Variants in LIMS1 observed in about 807,000 individuals in gnomAD.
The protein encoded by LIMS1 is LIM zinc finger domain containing 1, also known as LIM and senescent cell antigen-like-containing domain protein 1.
In LIMS1, 18 loss-of-function variants were observed where a neutral mutation model predicts 44.1. The observed-to-expected ratio is 0.41, with a 90% CI of 0.28 to 0.61. LIMS1 has a LOEUF of 0.61. Among genes scored for constraint, LIMS1 ranks in the 20% least tolerant of loss-of-function variants. The pLI is 0.32. For missense variants in LIMS1, 201 were observed against 422.0 expected, an observed-to-expected ratio of 0.48 and a Z score of 4.59; for synonymous variants, 93 against 149.1, an observed-to-expected ratio of 0.62 and a Z score of 2.74.
chr2:108,595,555 G>A (rs1320912466), intron 1 of LIMS1, among the ~76,000 whole-genome samples: 1 of 151,990 alleles, frequency 6.6e-6, no homozygotes, highest in Non-Finnish European at 1.5e-5. Context: ...TTGTGATTCT[G>A]CCTACTTTGT....
chr2:108,619,452 G>A (rs1191380441), intron 1 of LIMS1, among the ~76,000 whole-genome samples: 1 of 151,956 alleles, frequency 6.6e-6, no homozygotes, highest in Non-Finnish European at 1.5e-5. Flanking sequence ...GGGAGGCCGA[G>A]GCAGTTCGAT....
At chr2:108,671,723 A>T (rs912273538) in intron 3 of LIMS1, among the ~76,000 whole-genome samples, 1 of 152,240 alleles carries the variant, frequency 6.6e-6, no homozygotes, top group Admixed American at 6.5e-5. Context: ...GACCAGAAAT[A>T]ACCAAAAGGC....
intron 1 of LIMS1, among the ~76,000 whole-genome samples, chr2:108,561,927 A>G (rs1454921844): frequency 1.3e-5 from 2 of 151,874 alleles, no homozygotes; most frequent in Non-Finnish European, 2.9e-5. Context: ...ACTTTGTAGT[A>G]GAGACAGGGT....
At chr2:108,667,659 G>A (rs1691872581) in intron 2 of LIMS1, among the ~76,000 whole-genome samples, 1 of 150,430 alleles carries the variant, frequency 6.6e-6, no homozygotes, top group East Asian at 1.9e-4. Context: ...TCTAACTAAT[G>A]GAGTTATTTA....
At chr2:108,594,175 C>T (rs959159483) in intron 1 of LIMS1, among the ~76,000 whole-genome samples, 2 of 152,124 alleles carry the variant, frequency 1.3e-5, no homozygotes, top group Admixed American at 6.5e-5. Context: ...GTAAAAAATT[C>T]AGCTGTGGGG....
chr2:108,593,744 C>T (rs1007250191), intron 1 of LIMS1, among the ~76,000 whole-genome samples: 1 of 152,194 alleles, frequency 6.6e-6, no homozygotes, highest in Non-Finnish European at 1.5e-5. Context: ...GAATTTTCCA[C>T]AGATAAACCA....
intron 1 of LIMS1, among the ~76,000 whole-genome samples, chr2:108,645,820 CAAAA>C (rs57714697): frequency 1.6e-4 from 17 of 103,738 alleles, no homozygotes; most frequent in South Asian, 2.8e-4. Context: ...AAATGGAAAG[CAAAA>C]AAAAAAAAAA....
chr2:108,551,626 GTGTATATATA>G (rs1363281895), intron 1 of LIMS1, among the ~76,000 whole-genome samples: 2 of 135,806 alleles, frequency 1.5e-5, no homozygotes, highest in African/African-American at 2.9e-5. Context: ...ATGTATATAT[GTGTATATATA>G]TGTATATATG....
chr2:108,670,964 A>C, intron 3 of LIMS1, 117 bp downstream of exon 3: 1 of 1,078,066 alleles, frequency 9.3e-7, no homozygotes. Flanking sequence ...TGAGGTCAGG[A>C]ATTCGAGACC....
intron 1 of LIMS1, among the ~76,000 whole-genome samples, chr2:108,609,491 C>A (rs550047820): frequency 1.3e-5 from 2 of 152,340 alleles, no homozygotes; most frequent in East Asian, 3.9e-4. Context: ...CCTACTGTTT[C>A]CAGAGTGAGG....
intron 1 of LIMS1, among the ~76,000 whole-genome samples, chr2:108,649,012 A>G (rs1484435949): frequency 1.3e-5 from 2 of 152,246 alleles, no homozygotes; most frequent in South Asian, 2.1e-4. Flanking sequence ...GAGCTTCTGC[A>G]TAGCAGAAGA....
chr2:108,577,650 T>C (rs1197202032), intron 1 of LIMS1, among the ~76,000 whole-genome samples: 1 of 152,246 alleles, frequency 6.6e-6, no homozygotes, highest in African/African-American at 2.4e-5. Flanking sequence ...GTTTTTACAT[T>C]CTTAAAATGT....
At chr2:108,650,905 G>C (rs1304002486) in intron 1 of LIMS1, among the ~76,000 whole-genome samples, 1 of 152,138 alleles carries the variant, frequency 6.6e-6, no homozygotes, top group Non-Finnish European at 1.5e-5. Context: ...ATCTTCTACT[G>C]ATGGTGGGCT....
exon 10 of LIMS1, chr2:108,686,846 T>C (rs1039616307): frequency 6.6e-5 from 10 of 152,112 alleles, no homozygotes; most frequent in Non-Finnish European, 1.5e-4. Context: ...TTAATAGGGC[T>C]TTCCCTGGCT....
At chr2:108,646,294 T>A (rs1690058909) in intron 1 of LIMS1, among the ~76,000 whole-genome samples, 1 of 152,072 alleles carries the variant, frequency 6.6e-6, no homozygotes, top group Non-Finnish European at 1.5e-5. Flanking sequence ...CAGACCACAG[T>A]GCAATCAAAG....
At chr2:108,626,729 T>C (rs1165183653) in intron 1 of LIMS1, among the ~76,000 whole-genome samples, 4 of 152,248 alleles carry the variant, frequency 2.6e-5, no homozygotes, top group African/African-American at 9.6e-5. Context: ...GTCTTAATTA[T>C]TAACTTTTTA....
chr2:108,615,013 A>AT (rs1424376014), intron 1 of LIMS1, among the ~76,000 whole-genome samples: 1 of 152,136 alleles, frequency 6.6e-6, no homozygotes, highest in Non-Finnish European at 1.5e-5. Flanking sequence ...AACCTATTGG[A>AT]TTTTTTTGTA....
At chr2:108,636,085 CAA>C (rs1689227479) in intron 1 of LIMS1, among the ~76,000 whole-genome samples, 1 of 152,146 alleles carries the variant, frequency 6.6e-6, no homozygotes, top group South Asian at 2.1e-4. Flanking sequence ...GGAGAGAAAG[CAA>C]AAGAGTATAG....
chr2:108,571,737 G>T (rs1309757076), intron 1 of LIMS1, among the ~76,000 whole-genome samples: 1 of 152,176 alleles, frequency 6.6e-6, no homozygotes, highest in Non-Finnish European at 1.5e-5. Context: ...TTTCGTTGAA[G>T]ACTATCACTT....
Sources: gnomAD v4.1 joint callset for allele counts (sites outside exome capture counted in the v4.1 genomes callset) on GRCh38, gnomAD v4.1.1 for gene constraint, MANE v1.5 for transcripts, NCBI Gene and HGNC (gene_info 2026-07-23, HGNC 2026-07-21) for gene names.